Variants in ATG7 observed in about 807,000 individuals in gnomAD.
ATG7 encodes the protein autophagy related 7, also known as ubiquitin-like modifier-activating enzyme ATG7.
ATG7 carries 70 observed loss-of-function variants against 82.4 expected under a neutral mutation model. That is an observed-to-expected ratio of 0.85 (90% CI 0.70 to 1.04). The LOEUF (loss-of-function observed/expected upper bound fraction) is 1.04, where lower values mean the gene tolerates loss of function less well. Among genes scored for constraint, ATG7 ranks in the 50% least tolerant of loss-of-function variants. ATG7 has a pLI of 0.00. For missense variants in ATG7, 792 were observed against 864.3 expected (o/e 0.92, Z 1.05); for synonymous variants, 287 against 313.0 (o/e 0.92, Z 0.88).
chr3:11,403,814 C>A (rs1448228650), intron 19 of ATG7, among the ~76,000 whole-genome samples: 1 of 152,180 alleles, frequency 6.6e-6, no homozygotes, highest in Non-Finnish European at 1.5e-5. Flanking sequence ...ATATTGGTTA[C>A]TCCTTGACAA....
the ATG7 span, chr3:11,568,775 C>G: frequency 6.7e-7 from 1 of 1,491,880 alleles, no homozygotes; most frequent in Non-Finnish European, 8.9e-7. The surrounding 1 kb of genome is among the most constrained non-coding windows in gnomAD (Gnocchi z 5.9). Context: ...CGCCTCCGCT[C>G]CTGGTCAGGA....
At chr3:11,316,357 C>CT (rs2152727019) in intron 9 of ATG7, among the ~76,000 whole-genome samples, 1 of 152,336 alleles carries the variant, frequency 6.6e-6, no homozygotes, top group African/African-American at 2.4e-5. Context: ...TCTCCATCCC[C>CT]TTCCCGTCAG....
intron 11 of ATG7, among the ~76,000 whole-genome samples, chr3:11,339,333 C>A (rs1302254955): frequency 6.7e-6 from 1 of 148,862 alleles, no homozygotes; most frequent in African/African-American, 2.5e-5. Flanking sequence ...AGAAAACCAG[C>A]GTATAATTAG....
intron 3 of ATG7, 56 bp from the exon 4 acceptor site, chr3:11,298,630 C>A: frequency 6.6e-7 from 1 of 1,505,410 alleles, no homozygotes; most frequent in Non-Finnish European, 9.1e-7. Context: ...TGTTCTTTCT[C>A]ACCAGGTTTT....
the ATG7 span, among the ~76,000 whole-genome samples, chr3:11,574,568 C>T: frequency 1.3e-5 from 2 of 152,298 alleles, no homozygotes; most frequent in East Asian, 3.9e-4. Context: ...TAAGTTCCAG[C>T]ACTATGGTCA....
intron 20 of ATG7, among the ~76,000 whole-genome samples, chr3:11,447,352 A>C (rs2084666262): frequency 6.6e-6 from 1 of 152,004 alleles, no homozygotes; most frequent in Non-Finnish European, 1.5e-5. Context: ...CTGTAATCCC[A>C]ACTACTCAGG....
At chr3:11,571,567 C>T in the ATG7 span, among the ~76,000 whole-genome samples, 1 of 152,012 alleles carries the variant, frequency 6.6e-6, no homozygotes, top group African/African-American at 2.4e-5. Flanking sequence ...GTAATCCCAG[C>T]TACTCAGGAG....
intron 20 of ATG7, among the ~76,000 whole-genome samples, chr3:11,539,131 C>T (rs1449309329): frequency 2.6e-5 from 4 of 151,838 alleles, no homozygotes; most frequent in African/African-American, 9.7e-5. Context: ...TTGTGTTCTC[C>T]ATCATTGTAA....
intron 20 of ATG7, among the ~76,000 whole-genome samples, chr3:11,462,774 A>G (rs1207845735): frequency 1.3e-5 from 2 of 152,154 alleles, no homozygotes; most frequent in Admixed American, 6.6e-5. Context: ...AAGGTTTTTT[A>G]AAAGATGTTC....
intron 13 of ATG7, among the ~76,000 whole-genome samples, chr3:11,344,219 C>T (rs1221296953): frequency 1.3e-5 from 2 of 152,154 alleles, no homozygotes; most frequent in Non-Finnish European, 2.9e-5. Context: ...TAGTATTCCT[C>T]ACCAACACTT....
chr3:11,373,950 T>G (rs973101767), intron 18 of ATG7, among the ~76,000 whole-genome samples: 1 of 152,222 alleles, frequency 6.6e-6, no homozygotes, highest in Admixed American at 6.5e-5. Context: ...AAGCTTTGGG[T>G]TTTTGTTTAC....
rs956186259 is a variant in ATG7 at position 11,434,099 on chromosome 3, C to T, written c.2079+7173C>T. 3.3e-5 allele frequency among the ~76,000 whole-genome samples: 5 copies of T among 152,322 alleles called. No individual in the cohort carries two copies. In the South Asian group the frequency reaches 1.0e-3, roughly 32 times the overall value. On this transcript the variant is annotated intron_variant, in intron 20 of 20. Transcript: ENST00000693202. ...TTACTATTCAGCAAAGTAAATAACA[C>T]AATTAACAAGTGTTTCTGCTGGGCC...
chr3:11,445,128 G>A (rs2084403191), intron 20 of ATG7, among the ~76,000 whole-genome samples: 1 of 152,222 alleles, frequency 6.6e-6, no homozygotes, highest in Non-Finnish European at 1.5e-5. Context: ...TTAAATCGTT[G>A]TAGAAAGCAG....
intron 20 of ATG7, among the ~76,000 whole-genome samples, chr3:11,477,866 T>C (rs1440074239): frequency 2.6e-5 from 4 of 152,174 alleles, no homozygotes; most frequent in Admixed American, 2.6e-4. Context: ...TTACAGCTTA[T>C]TTCTCCCTGT....
intron 18 of ATG7, among the ~76,000 whole-genome samples, chr3:11,368,052 G>A (rs1379134043): frequency 8.6e-5 from 13 of 151,772 alleles, no homozygotes. Flanking sequence ...CTATAGAGAG[G>A]TAAGCACCTC....
chr3:11,490,521 T>C (rs1420386577), intron 20 of ATG7, among the ~76,000 whole-genome samples: 1 of 152,206 alleles, frequency 6.6e-6, no homozygotes, highest in Non-Finnish European at 1.5e-5. Context: ...ATTATGATGT[T>C]AGCTGGTTAT....
chr3:11,389,816 TGTCTTTGTAATTGAC>T, intron 19 of ATG7, among the ~76,000 whole-genome samples: 1 of 152,352 alleles, frequency 6.6e-6, no homozygotes, highest in South Asian at 2.1e-4. Context: ...GCAGCTAAGG[TGTCTTTGTAATTGAC>T]TCTGGATTCA....
intron 19 of ATG7, among the ~76,000 whole-genome samples, chr3:11,408,405 C>T (rs550915416): frequency 6.6e-6 from 1 of 152,344 alleles, no homozygotes; most frequent in South Asian, 2.1e-4. Flanking sequence ...CTTCTGAGCC[C>T]TCCAAACTGT....
At chr3:11,276,427 C>T (rs2152621851) in intron 1 of ATG7, among the ~76,000 whole-genome samples, 1 of 152,236 alleles carries the variant, frequency 6.6e-6, no homozygotes, top group Middle Eastern at 3.4e-3. Context: ...TCTCTGTTTA[C>T]TCTCATTTTG....
Sources: allele counts gnomAD v4.1 joint callset (sites outside exome capture counted in the v4.1 genomes callset), GRCh38; gene constraint gnomAD v4.1.1; non-coding constraint Gnocchi (gnomAD v3.1); transcripts MANE v1.5; gene names NCBI Gene and HGNC (gene_info 2026-07-23, HGNC 2026-07-21).